CTBS: variants seen among roughly 807,000 people sequenced by gnomAD.
The protein encoded by CTBS is chitobiase.
CTBS carries 35 observed loss-of-function variants against 44.3 expected under a neutral mutation model. The observed-to-expected ratio is 0.79, with a 90% CI of 0.60 to 1.05. The LOEUF (loss-of-function observed/expected upper bound fraction) is 1.05. CTBS is among the 50% of genes least tolerant of loss of function. The pLI is 0.00. For synonymous variants in CTBS, 143 were observed against 168.0 expected, an observed-to-expected ratio of 0.85 and a Z score of 1.15; for missense variants, 458 against 475.3, an observed-to-expected ratio of 0.96 and a Z score of 0.34.
Position 84,550,981 on chromosome 1 carries a change from A to ATAAC in CTBS, c.*4017_*4018insGTTA. On this transcript the variant is annotated 3_prime_UTR_variant, in exon 7 of 7. Coordinates refer to ENST00000370630, the MANE Select transcript of CTBS (RefSeq NM_004388.3). ...ATAATGTGTCTTCTACTAGATGTTA[A>ATAAC]GTTTCCTTCCTGGCAGAGACTATGC... is the stretch of plus-strand genomic sequence containing the variant. 1 of 984,154 alleles carries ATAAC rather than the reference A, an allele frequency of 1.0e-6. No individual in the cohort carries two copies. Among genetic ancestry groups the ATAAC allele is most frequent in the Non-Finnish European group, 1.2e-6 (1 of 828,912 alleles). 61.0% of individuals were successfully genotyped at this position (984,154 alleles called of 1,614,324 possible). A position where few individuals can be genotyped will look rare whatever the true frequency, so the allele number is the denominator to read the frequency against.
intron 3 of CTBS, 36 bp from the exon 4 acceptor site, chr1:84,566,048 A>C: frequency 2.2e-6 from 3 of 1,365,540 alleles, no homozygotes; most frequent in Non-Finnish European, 2.9e-6. Flanking sequence ...ATGTAATATG[A>C]TCACGTGTGC....
At chr1:84,561,345 A>C (rs1360982365) in intron 6 of CTBS, among the ~76,000 whole-genome samples, 2 of 152,172 alleles carry the variant, frequency 1.3e-5, no homozygotes, top group East Asian at 3.8e-4. Context: ...TAAATATGTG[A>C]CTCAATTGCT....
Position 84,574,352 on chromosome 1 carries a change from G to A in CTBS, c.64C>T (p.Leu22=). Residue 22 remains leucine (L), a synonymous_variant, in exon 1 of 7, where the codon CTA becomes TTA. Transcript: ENST00000370630. ...VSSPPSGVPG[L]ALLALLALLA... is the part of the protein sequence containing the mutation. ...AGCGCCAGCAGCGCCAGCAGCGCTAGACCCGGGACGCCGCTCGGCGGGCTA... is the reference window on the plus strand; with the variant it reads ...AGCGCCAGCAGCGCCAGCAGCGCTAAACCCGGGACGCCGCTCGGCGGGCTA... 6.4e-7 allele frequency: 1 copy of A among 1,566,146 alleles called. No individual in the cohort carries two copies. Among genetic ancestry groups the A allele is most frequent in the Non-Finnish European group, 8.7e-7 (1 of 1,155,768 alleles).
In CTBS at chr1:84,563,387, A is replaced by G. The variant is rs1161357596; in HGVS notation, c.827T>C (p.Phe276Ser). ...DHVCTIAKVP[F>S]RGAPCSDAAG... ...AGCGTCACTACAAGGAGCCCCCCGG[A>G]AAGGGACTTTTGCAATGGTACAAAC... Residue 276 changes from phenylalanine (F) to serine (S), a missense_variant, in exon 6 of 7, where the codon TTC (phenylalanine) becomes TCC (serine). Physicochemically the swap from Phe to Ser is radical, Grantham distance 155. Coordinates refer to ENST00000370630, the MANE Select transcript of CTBS (RefSeq NM_004388.3). 6.3e-7 allele frequency: 1 copy of G among 1,577,234 alleles called. No individual in the cohort carries two copies. Among genetic ancestry groups the G allele is most frequent in the Middle Eastern group, 1.7e-4 (1 of 5,888 alleles).
intron 6 of CTBS, among the ~76,000 whole-genome samples, chr1:84,556,639 G>A (rs1684438548): frequency 6.7e-6 from 1 of 148,362 alleles, no homozygotes; most frequent in Admixed American, 6.8e-5. Context: ...TTGAACCCAG[G>A]AGACGGAGGT....
At chr1:84,567,918 A>G (rs1684729695) in intron 3 of CTBS, among the ~76,000 whole-genome samples, 1 of 152,204 alleles carries the variant, frequency 6.6e-6, no homozygotes, top group Admixed American at 6.5e-5. Context: ...TGTATTGTTC[A>G]GTTAGCAGTC....
chr1:84,569,876 G>T, intron 3 of CTBS, 55 bp downstream of exon 3: 1 of 1,343,032 alleles, frequency 7.4e-7, no homozygotes. Context: ...ATACCCTCAT[G>T]AGTATATTCT....
rs1314162934 is a variant in CTBS at position 84,552,245 on chromosome 1, A to G, written c.*2754T>C. 6.6e-6 allele frequency: 1 copy of G among 152,200 alleles called. No homozygotes were observed. Among genetic ancestry groups the G allele is most frequent in the Non-Finnish European group, 1.5e-5 (1 of 68,032 alleles). 9.4% of individuals were successfully genotyped at this position (152,200 alleles called of 1,614,324 possible). A position where few individuals can be genotyped will look rare whatever the true frequency, so the allele number is the denominator to read the frequency against. ...CCATATTTATTCAAGATAGTATAGC[A>G]TAAGTAGTGCTTCTCAAAGTTTAAT... On this transcript the variant is annotated 3_prime_UTR_variant, in exon 7 of 7. Coordinates refer to ENST00000370630, the MANE Select transcript of CTBS (RefSeq NM_004388.3).
intron 1 of CTBS, among the ~76,000 whole-genome samples, chr1:84,573,093 A>G (rs983980288): frequency 2.6e-5 from 4 of 152,196 alleles, no homozygotes; most frequent in African/African-American, 9.7e-5. Flanking sequence ...AACAGCTCCA[A>G]CTGCCTTGGA....
At position 84,550,669 on chromosome 1, in the gene CTBS, G is replaced by T; in HGVS notation, c.*4330C>A. 2 of 1,217,090 alleles carry T rather than the reference G, an allele frequency of 1.6e-6. No homozygotes were observed. The highest frequency in any genetic ancestry group is 1.0e-6 in the Non-Finnish European group (1 of 968,674). 75.4% of individuals were successfully genotyped at this position (1,217,090 alleles called of 1,614,324 possible). A position where few individuals can be genotyped will look rare whatever the true frequency, so the allele number is the denominator to read the frequency against. On this transcript the variant is annotated 3_prime_UTR_variant, in exon 7 of 7. Transcript: ENST00000370630. ...AAAATTGTTACCTTAACAGTAAAGA[G>T]CATAGGTGAAAAAAAAAATGCAGGA...
intron 3 of CTBS, among the ~76,000 whole-genome samples, chr1:84,567,133 A>G (rs1684715135): frequency 6.6e-6 from 1 of 152,256 alleles, no homozygotes; most frequent in Non-Finnish European, 1.5e-5. Context: ...TAACATTTTT[A>G]TACTTTGAAC....
Position 84,563,838 on chromosome 1 carries a change from C to T in CTBS, c.698-6G>A. ...CTTGATGTAGTCATTATATCCTAGT[C>T]AAGCAGGAGAGAAAAAGCATATTTG... On this transcript the variant is annotated splice_region_variant and splice_polypyrimidine_tract_variant and intron_variant, in intron 4 of 6. Coordinates refer to ENST00000370630, the MANE Select transcript of CTBS (RefSeq NM_004388.3). 1 of 1,596,878 alleles carries T rather than the reference C, an allele frequency of 6.3e-7. No homozygotes were observed. Among genetic ancestry groups the T allele is most frequent in the Non-Finnish European group, 8.5e-7 (1 of 1,171,944 alleles).
At chr1:84,571,004 G>T (rs1296992059) in intron 1 of CTBS, among the ~76,000 whole-genome samples, 2 of 152,178 alleles carry the variant, frequency 1.3e-5, no homozygotes, top group African/African-American at 4.8e-5. Context: ...CCGACGTCTA[G>T]AATTTGGGGA....
At chr1:84,556,001 A>T (rs1030165254) in intron 6 of CTBS, 2 of 152,238 alleles carry the variant, frequency 1.3e-5, no homozygotes, top group Admixed American at 1.3e-4. Flanking sequence ...GGAGGAGAAA[A>T]GTACATCCTT....
At position 84,549,959 on chromosome 1, in the gene CTBS, T is replaced by C. The variant is rs1684220861; in HGVS notation, c.*5040A>G. The C allele has an allele frequency of 6.6e-6, 1 of 151,940 alleles. No individual in the cohort carries two copies. Among genetic ancestry groups the C allele is most frequent in the African/African-American group, 2.4e-5 (1 of 41,442 alleles). 9.4% of individuals were successfully genotyped at this position (151,940 alleles called of 1,614,324 possible). On this transcript the variant is annotated 3_prime_UTR_variant, in exon 7 of 7. Transcript: ENST00000370630. ...TTTCACAAAGCCAGTTTAAAACTCT[T>C]AAATAACTTCTTTAGCGAGGACCAC...
chr1:84,564,932 A>AG, intron 4 of CTBS, among the ~76,000 whole-genome samples: 1 of 151,956 alleles, frequency 6.6e-6, no homozygotes, highest in Non-Finnish European at 1.5e-5. Context: ...CCAGCTACTC[A>AG]GGGGGCTGAG....
At chr1:84,561,984 T>C (rs1684604625) in intron 6 of CTBS, among the ~76,000 whole-genome samples, 1 of 152,236 alleles carries the variant, frequency 6.6e-6, no homozygotes, top group Non-Finnish European at 1.5e-5. Context: ...GACTCTGCAA[T>C]ATCTCTAAGG....
chr1:84,564,257 T>C (rs1177475068), intron 4 of CTBS, among the ~76,000 whole-genome samples: 2 of 152,232 alleles, frequency 1.3e-5, no homozygotes, highest in Non-Finnish European at 2.9e-5. Flanking sequence ...AAGTGTTCCA[T>C]GTTTTGCAAA....
rs201997781 is a variant in CTBS at position 84,563,327 on chromosome 1, T to G, written c.887A>C (p.Lys296Thr). ...TCCAGAAATAGAACTATTTATTTGC[T>G]TCATGATCGTTTTGTAGGGCACCTG... ...GRQVPYKTIM[K>T]QINSSISGNL... The change falls in exon 6 of 7, where the codon AAG becomes ACG. Residue 296 changes from lysine to threonine, a missense_variant. Lys to Thr is a moderately conservative substitution (Grantham distance 78). Transcript: ENST00000370630. 7.0e-5 allele frequency: 112 copies of G among 1,599,598 alleles called. 1 individual carries two copies. Among genetic ancestry groups the G allele is most frequent in the Non-Finnish European group, 9.0e-5 (106 of 1,173,488 alleles).
Sources: allele counts gnomAD v4.1 joint callset (sites outside exome capture counted in the v4.1 genomes callset), GRCh38; gene constraint gnomAD v4.1.1; transcripts MANE v1.5; gene names NCBI Gene and HGNC (gene_info 2026-07-23, HGNC 2026-07-21).